Variants in HTR4 observed in about 807,000 individuals in gnomAD.
HTR4 encodes the protein 5-hydroxytryptamine (serotonin) receptor 4, G protein-coupled.
HTR4 carries 16 observed loss-of-function variants against 36.8 expected under a neutral mutation model. The observed-to-expected ratio is 0.43, with a 90% CI of 0.29 to 0.66. HTR4 has a LOEUF of 0.66. Among genes scored for constraint, HTR4 ranks in the 30% least tolerant of loss-of-function variants. HTR4 has a pLI of 0.13. For synonymous variants in HTR4, 189 were observed against 185.1 expected (o/e 1.02, Z -0.17); for missense variants, 438 against 490.9 (o/e 0.89, Z 1.02).
intron 2 of HTR4, among the ~76,000 whole-genome samples, chr5:148,598,727 C>G (rs1054091389): frequency 2.6e-5 from 4 of 152,132 alleles, no homozygotes; most frequent in African/African-American, 9.7e-5. Context: ...TAATCTTCTA[C>G]TTAAAGTAAA....
At chr5:148,513,214 C>G (rs1757578419) in intron 5 of HTR4, among the ~76,000 whole-genome samples, 1 of 152,066 alleles carries the variant, frequency 6.6e-6, no homozygotes. Flanking sequence ...TGGTCTCAAA[C>G]TCTAGGCTCA....
intron 4 of HTR4, among the ~76,000 whole-genome samples, chr5:148,539,480 G>T (rs910863760): frequency 6.6e-6 from 1 of 152,076 alleles, no homozygotes; most frequent in Non-Finnish European, 1.5e-5. Flanking sequence ...TCTGACAAAG[G>T]TCTAATATCC....
At chr5:148,639,408 G>GCCGTAA (rs1753655365) in intron 1 of HTR4, among the ~76,000 whole-genome samples, 1 of 151,878 alleles carries the variant, frequency 6.6e-6, no homozygotes, top group African/African-American at 2.4e-5. Flanking sequence ...GCTTTCCTGG[G>GCCGTAA]CCGTAACCGT....
intron 2 of HTR4, among the ~76,000 whole-genome samples, chr5:148,621,377 G>T (rs1242130693): frequency 6.6e-6 from 1 of 152,134 alleles, no homozygotes; most frequent in Non-Finnish European, 1.5e-5. Flanking sequence ...TGTCTTCTCT[G>T]GACTTCTGCT....
At chr5:148,566,816 C>A (rs1760459937) in intron 2 of HTR4, among the ~76,000 whole-genome samples, 1 of 151,940 alleles carries the variant, frequency 6.6e-6, no homozygotes, top group Admixed American at 6.6e-5. Flanking sequence ...CATATGACTC[C>A]ATATATTAAT....
chr5:148,610,304 T>C (rs906769313), intron 2 of HTR4, among the ~76,000 whole-genome samples: 12 of 152,158 alleles, frequency 7.9e-5, no homozygotes, highest in Non-Finnish European at 1.6e-4. Flanking sequence ...AGAGCAGTGG[T>C]TCTCCCAGTA....
chr5:148,468,354 C>T (rs571279574), intron 5 of HTR4, among the ~76,000 whole-genome samples: 1 of 152,184 alleles, frequency 6.6e-6, no homozygotes, highest in Admixed American at 6.5e-5. Context: ...CCCAGCTTTC[C>T]TCATTACTTC....
At chr5:148,504,108 A>G in intron 6 of HTR4, among the ~76,000 whole-genome samples, 1 of 152,222 alleles carries the variant, frequency 6.6e-6, no homozygotes, top group East Asian at 1.9e-4. Flanking sequence ...TAACAAGGAT[A>G]TCCAAGAATT....
intron 2 of HTR4, among the ~76,000 whole-genome samples, chr5:148,633,763 G>A (rs1753418404): frequency 1.3e-5 from 2 of 152,078 alleles, no homozygotes; most frequent in Non-Finnish European, 2.9e-5. Flanking sequence ...TTATTTTATA[G>A]TAAAGAAATA....
rs189225352 is a variant in HTR4, at chr5:148,464,471, G to A, written c.1077-13199C>T. Among the ~76,000 whole-genome samples the A allele has an allele frequency of 4.2e-3, 643 of 152,216 alleles. 7 individuals are homozygous for A. Among genetic ancestry groups the A allele is most frequent in the African/African-American group, 0.015 (611 of 41,514 alleles). ...ATCTCATCAAAGAAGATATTTAGATGGCAAATAAGCAAATGAAAAGATGCT... is the reference window on the plus strand; with the variant it reads ...ATCTCATCAAAGAAGATATTTAGATAGCAAATAAGCAAATGAAAAGATGCT... On this transcript the variant is annotated intron_variant, in intron 5 of 5. Transcript: ENST00000521530.
chr5:148,643,051 T>C (rs969130953), intron 1 of HTR4, among the ~76,000 whole-genome samples: 3 of 152,206 alleles, frequency 2.0e-5, no homozygotes, highest in African/African-American at 4.8e-5. Context: ...TAGAAAGATT[T>C]AGTCCTAAAT....
Position 148,654,451 on chromosome 5 carries a change from C to A in HTR4, c.-437G>T. 1.0e-6 allele frequency: 1 copy of A among 985,494 alleles called. No individual in the cohort carries two copies. The highest frequency in any genetic ancestry group is 1.2e-6 in the Non-Finnish European group (1 of 829,976). 61.0% of individuals were successfully genotyped at this position (985,494 alleles called of 1,614,324 possible). A position where few individuals can be genotyped will look rare whatever the true frequency, so the allele number is the denominator to read the frequency against. On this transcript the variant is annotated 5_prime_UTR_variant, in exon 1 of 7. Coordinates refer to ENST00000377888, the MANE Select transcript of HTR4 (RefSeq NM_000870.7). ...GGCAGGGCGCACAGGGGAGTGGGCA[C>A]AGAGGCGGGCTGGAGCGATCTCACC... is the stretch of plus-strand genomic sequence containing the variant.
chr5:148,554,615 A>G (rs1759846669), intron 2 of HTR4, among the ~76,000 whole-genome samples: 1 of 152,280 alleles, frequency 6.6e-6, no homozygotes, highest in Admixed American at 6.5e-5. Context: ...TGATGAAAAA[A>G]TTCTGGAAGT....
chr5:148,629,279 G>C (rs948331402), intron 2 of HTR4: 1 of 152,134 alleles, frequency 6.6e-6, no homozygotes, highest in Non-Finnish European at 1.5e-5. Flanking sequence ...ACTACCCTCT[G>C]TGTGTTCCAG....
chr5:148,614,409 T>C (rs1186340477), intron 2 of HTR4, among the ~76,000 whole-genome samples: 2 of 152,046 alleles, frequency 1.3e-5, no homozygotes, highest in East Asian at 1.9e-4. Flanking sequence ...TTTGACAAAC[T>C]TGAGAAAAAC....
At position 148,550,139 on chromosome 5, in the gene HTR4, G is replaced by A. The variant is rs186165600; in HGVS notation, c.150C>T (p.Leu50=). Residue 50 remains leucine, a splice_region_variant and synonymous_variant, in exon 3 of 7, where the codon CTC becomes CTT. Coordinates refer to ENST00000377888, the MANE Select transcript of HTR4 (RefSeq NM_000870.7). ...VMVAVCWDRQ[L]RKIKTNYFIV... Reference sequence around the variant, plus strand: ...AAAGGTTCCCTCCTGCTGCTCACCTGAGCTGCCTGTCCCAGCACACAGCCA... The same window carrying A: ...AAAGGTTCCCTCCTGCTGCTCACCTAAGCTGCCTGTCCCAGCACACAGCCA... The A allele has an allele frequency of 3.1e-4, 497 of 1,613,964 alleles. No individual in the cohort carries two copies. Among genetic ancestry groups the A allele is most frequent in the Non-Finnish European group, 4.2e-4 (491 of 1,179,990 alleles).
chr5:148,598,431 G>A (rs143483662), intron 2 of HTR4, among the ~76,000 whole-genome samples: 51 of 152,044 alleles, frequency 3.4e-4, no homozygotes, highest in Non-Finnish European at 5.9e-4. Context: ...TGAGTCCCAG[G>A]TACTAAGGAG....
chr5:148,586,852 A>T (rs955288991), intron 2 of HTR4, among the ~76,000 whole-genome samples: 12 of 152,310 alleles, frequency 7.9e-5, no homozygotes, highest in Middle Eastern at 3.4e-3. Context: ...AGATGGTCCA[A>T]CTTCTCTCAC....
chr5:148,549,668 A>G (rs2113848351), intron 3 of HTR4, among the ~76,000 whole-genome samples: 1 of 152,330 alleles, frequency 6.6e-6, no homozygotes, highest in South Asian at 2.1e-4. Flanking sequence ...AACTATGTCC[A>G]AAATACTACA....
Sources: gnomAD v4.1 joint callset for allele counts (sites outside exome capture counted in the v4.1 genomes callset) on GRCh38, gnomAD v4.1.1 for gene constraint, MANE v1.5 for transcripts, NCBI Gene and HGNC (gene_info 2026-07-23, HGNC 2026-07-21) for gene names.